Variants in CUBN observed in about 807,000 individuals in gnomAD.
CUBN encodes the protein 460 kDa receptor.
Under a neutral mutation model 405.3 loss-of-function variants are expected in CUBN, and 282 were observed. The observed-to-expected ratio is 0.70, with a 90% confidence interval of 0.63 to 0.77. The LOEUF (loss-of-function observed/expected upper bound fraction) is 0.77, where lower values mean the gene tolerates loss of function less well. Ranked by LOEUF, CUBN falls within the 30% of genes least tolerant of loss-of-function variation. The probability of loss-of-function intolerance (pLI) is 0.00; values close to 1 mark genes in which losing one functional copy is unlikely to be tolerated. For synonymous variants in CUBN, 1,684 were observed against 1,617.0 expected (o/e 1.04, Z -0.99); for missense variants, 4,514 against 4,475.2 (o/e 1.01, Z -0.25).
intron 25 of CUBN, 115 bp downstream of exon 25, chr10:17,044,892 T>G: frequency 9.3e-7 from 1 of 1,079,850 alleles, no homozygotes; most frequent in South Asian, 1.3e-5. Flanking sequence ...TGAATTTTTA[T>G]ATGGATGTTC....
At chr10:17,062,763 G>T (rs932445223) in intron 22 of CUBN, among the ~76,000 whole-genome samples, 1 of 152,146 alleles carries the variant, frequency 6.6e-6, no homozygotes, top group Non-Finnish European at 1.5e-5. Context: ...ATGAAGACAA[G>T]AAAGACTTCA....
At chr10:17,039,198 G>A (rs572182908) in intron 27 of CUBN, among the ~76,000 whole-genome samples, 11 of 152,232 alleles carry the variant, frequency 7.2e-5, no homozygotes, top group East Asian at 1.9e-4. Context: ...ACTGTTATAC[G>A]TGCAACGCTC....
At chr10:16,875,560 G>T (rs1406021687) in intron 57 of CUBN, among the ~76,000 whole-genome samples, 1 of 152,114 alleles carries the variant, frequency 6.6e-6, no homozygotes, top group Non-Finnish European at 1.5e-5. Context: ...TTCTCTATGT[G>T]CCTGTAAGTA....
At chr10:16,916,578 T>C (rs1202490262) in intron 45 of CUBN, among the ~76,000 whole-genome samples, 1 of 152,210 alleles carries the variant, frequency 6.6e-6, no homozygotes, top group Non-Finnish European at 1.5e-5. Context: ...AATTGAATTA[T>C]ATGCAGCTTG....
chr10:16,831,296 G>T lies in CUBN; in HGVS notation c.10484C>A (p.Thr3495Asn). The T allele has an allele frequency of 6.2e-7, 1 of 1,614,032 alleles. No homozygotes were observed. The highest frequency in any genetic ancestry group is 1.1e-5 in the South Asian group (1 of 91,076). ...LYLRFKSDSV[T>N]SDRGYEIIWT... is the part of the protein sequence containing the mutation. ...GATGATTTCATATCCACGATCAGAA[G>T]TTACACTATCACTCTTAAATCGTAG... is the stretch of plus-strand genomic sequence containing the variant. Residue 3495 changes from threonine (T) to asparagine (N), a missense_variant, in exon 65 of 67, where the codon ACT becomes AAT. Physicochemically the swap from Thr to Asn is moderately conservative, Grantham distance 65 (BLOSUM62 0). Transcript: ENST00000377833.
chr10:16,947,695 C>A (rs982272529), intron 35 of CUBN, among the ~76,000 whole-genome samples: 1 of 152,180 alleles, frequency 6.6e-6, no homozygotes, highest in African/African-American at 2.4e-5. Flanking sequence ...TTCTATTCAA[C>A]CCTGGCCTAG....
At position 16,947,245 on chromosome 10, in the gene CUBN, G is replaced by A. The variant is rs372595460; in HGVS notation, c.5332C>T (p.Leu1778=). 4.3e-6 allele frequency: 7 copies of A among 1,614,008 alleles called. No individual in the cohort carries two copies. In the African/African-American group the frequency reaches 8.0e-5, roughly 18 times the overall value. Residue 1778 remains leucine, a synonymous_variant, in exon 36 of 67, where the codon CTG becomes TTG. Transcript: ENST00000377833. ...IVSSPGNRLQ[L]SFISFQLEDS... ...TAAAAAAGGATTTACATAAAAGACA[G>A]CTGGAGCCGGTTGCCAGGGGAACTG...
intron 29 of CUBN, among the ~76,000 whole-genome samples, chr10:16,987,296 T>C (rs1833454318): frequency 6.6e-6 from 1 of 152,198 alleles, no homozygotes. Flanking sequence ...TTTCAGGGCA[T>C]GGTTCATTCA....
rs554540113 is a variant in CUBN at position 16,953,800 on chromosome 10, G to A, written c.4855+589C>T. On this transcript the variant is annotated intron_variant, in intron 32 of 66. Transcript: ENST00000377833. ...TGGGAGGTCGAGGCTTCAGTGAGCCGTGATTGCACCACTGCACTCCAGCCT... is the reference window on the plus strand; with the variant it reads ...TGGGAGGTCGAGGCTTCAGTGAGCCATGATTGCACCACTGCACTCCAGCCT... 1.4e-4 allele frequency among the ~76,000 whole-genome samples: 22 copies of A among 151,928 alleles called. No homozygotes were observed. The South Asian group carries it at 2.9e-3, about 20-fold the overall frequency.
chr10:17,017,600 A>G (rs776532936), intron 28 of CUBN, among the ~76,000 whole-genome samples: 1 of 152,144 alleles, frequency 6.6e-6, no homozygotes, highest in Non-Finnish European at 1.5e-5. Context: ...GATGCTACCC[A>G]TATCCTAGCT....
chr10:17,105,552 G>GAC lies in CUBN; in HGVS notation c.1133_1134dup (p.Leu379ValfsTer23), dbSNP rs1564517197. On this transcript the variant is annotated frameshift_variant, in exon 11 of 67. Transcript: ENST00000377833. LOFTEE classifies it high-confidence loss of function. ...TAACCATTTCCAGTATAACCCGGGAGACACGTGCAGAGAGGTAAGGAACCT... is the reference window on the plus strand; with the variant it reads ...TAACCATTTCCAGTATAACCCGGGAGACACACGTGCAGAGAGGTAAGGAACCT... The GAC allele has an allele frequency of 6.2e-7, 1 of 1,606,636 alleles. No homozygotes were observed.
chr10:17,066,704 A>G (rs987360282), intron 21 of CUBN, among the ~76,000 whole-genome samples: 1 of 152,124 alleles, frequency 6.6e-6, no homozygotes. Flanking sequence ...CTTCCCAAAA[A>G]AGAAAAAGAA....
At chr10:17,004,723 G>A (rs1020082928) in intron 28 of CUBN, among the ~76,000 whole-genome samples, 17 of 148,350 alleles carry the variant, frequency 1.1e-4, no homozygotes, top group African/African-American at 2.0e-4. Context: ...AGGCTGGAGC[G>A]CAGTGGTGCC....
In CUBN at chr10:16,901,408, T is replaced by TA. The variant is rs769149331; in HGVS notation, c.8113dup (p.Tyr2705LeufsTer6). On this transcript the variant is annotated frameshift_variant, in exon 52 of 67. Transcript: ENST00000377833. LOFTEE classifies it high-confidence loss of function. ...GGTCAGGCTGTCATAAGCATTTGGATAGTTGGGGCTTGTGATCACTCCACT... is the reference window on the plus strand; with the variant it reads ...GGTCAGGCTGTCATAAGCATTTGGATAAGTTGGGGCTTGTGATCACTCCACT... 7.4e-6 allele frequency: 12 copies of TA among 1,614,030 alleles called. No individual in the cohort carries two copies. The highest frequency in any genetic ancestry group is 1.3e-5 in the African/African-American group (1 of 74,936).
At chr10:17,031,868 T>G (rs770166271) in intron 27 of CUBN, among the ~76,000 whole-genome samples, 7 of 152,226 alleles carry the variant, frequency 4.6e-5, no homozygotes, top group Admixed American at 6.5e-5. Flanking sequence ...TGACGTGCAC[T>G]GCAAACACAA....
intron 31 of CUBN, among the ~76,000 whole-genome samples, chr10:16,973,827 A>C (rs143722641): frequency 4.8e-4 from 73 of 152,188 alleles, no homozygotes; most frequent in South Asian, 2.1e-3. Flanking sequence ...GGTCTTGTTC[A>C]TTCTTGTGGC....
chr10:16,924,368 T>C (rs1409484225), intron 43 of CUBN, among the ~76,000 whole-genome samples: 1 of 152,208 alleles, frequency 6.6e-6, no homozygotes, highest in Admixed American at 6.5e-5. Context: ...TCCCTGGTGT[T>C]CTGGACCTTA....
chr10:16,936,735 C>A (rs543831743), intron 39 of CUBN, among the ~76,000 whole-genome samples: 2 of 152,084 alleles, frequency 1.3e-5, no homozygotes, highest in African/African-American at 4.8e-5. Context: ...CTTTTCGAAA[C>A]GGAGTCTCAC....
chr10:17,033,702 C>T (rs138921912), intron 27 of CUBN, among the ~76,000 whole-genome samples: 23 of 152,342 alleles, frequency 1.5e-4, no homozygotes, highest in African/African-American at 4.6e-4. Flanking sequence ...TGCAAATTGA[C>T]TTCCCCTTCC....
Sources: gnomAD v4.1 joint callset for allele counts (sites outside exome capture counted in the v4.1 genomes callset) on GRCh38, gnomAD v4.1.1 for gene constraint, MANE v1.5 for transcripts, NCBI Gene and HGNC (gene_info 2026-07-23, HGNC 2026-07-21) for gene names.